PSD2: variants seen among roughly 807,000 people sequenced by gnomAD.
The protein encoded by PSD2 is PH and SEC7 domain-containing protein 2.
In PSD2, 38 loss-of-function variants were observed where a neutral mutation model predicts 69.8. The ratio of observed to expected loss-of-function variants is 0.54; its 90% CI spans 0.42 to 0.71. The LOEUF is 0.71. PSD2 is among the 30% of genes least tolerant of loss of function. The pLI is 0.00. For missense variants in PSD2, 943 were observed against 1,014.5 expected (o/e 0.93, Z 0.96); for synonymous variants, 412 against 423.0 (o/e 0.97, Z 0.32).
the PSD2 span, among the ~76,000 whole-genome samples, chr5:139,785,432 C>T: frequency 1.3e-5 from 2 of 152,242 alleles, no homozygotes; most frequent in East Asian, 3.9e-4. Flanking sequence ...CTATGTTGGC[C>T]AGGCTGGTCT....
At chr5:139,836,701 C>T (rs142278413) in intron 9 of PSD2, 110 bp from the exon 10 acceptor site, 247 of 913,144 alleles carry the variant, frequency 2.7e-4, no homozygotes, top group Admixed American at 4.8e-4. Flanking sequence ...CCTGGGGCTG[C>T]TCTTCCTCCA....
intron 1 of PSD2, among the ~76,000 whole-genome samples, chr5:139,800,499 T>A (rs1277617219): frequency 6.6e-6 from 1 of 152,198 alleles, no homozygotes; most frequent in Non-Finnish European, 1.5e-5. Context: ...TGACCTCAAG[T>A]GATCCGCCCT....
At chr5:139,824,150 C>T (rs1435639626) in intron 7 of PSD2, among the ~76,000 whole-genome samples, 3 of 152,200 alleles carry the variant, frequency 2.0e-5, no homozygotes, top group Non-Finnish European at 4.4e-5. Context: ...CAACAGGCCC[C>T]TCACTCCCTG....
At chr5:139,759,582 T>C in the PSD2 span, among the ~76,000 whole-genome samples, 1 of 152,150 alleles carries the variant, frequency 6.6e-6, no homozygotes, top group East Asian at 1.9e-4. Context: ...CCCACTGAGT[T>C]AATCTGCAGT....
intron 1 of PSD2, among the ~76,000 whole-genome samples, chr5:139,798,980 T>A (rs111292720): frequency 3.3e-3 from 500 of 152,332 alleles, no homozygotes; most frequent in African/African-American, 0.011. Context: ...AGATTTTTTT[T>A]AATGACATTG....
In PSD2 at chr5:139,804,046, C is replaced by T. The variant is rs113632765; in HGVS notation, c.-50-5345C>T. On this transcript the variant is annotated intron_variant, in intron 1 of 14. Transcript: ENST00000274710. ...GGCCTGGCCATCCTAGGCCCCATTGCGGTGTGGGCATCGCTGTTCAGGGTC... is the reference window on the plus strand; with the variant it reads ...GGCCTGGCCATCCTAGGCCCCATTGTGGTGTGGGCATCGCTGTTCAGGGTC... Among the ~76,000 whole-genome samples the T allele has an allele frequency of 2.5e-4, 38 of 152,314 alleles. 1 individual carries two copies. Among genetic ancestry groups the T allele is most frequent in the South Asian group, 4.1e-4 (2 of 4,824 alleles).
the PSD2 span, among the ~76,000 whole-genome samples, chr5:139,765,570 C>G: frequency 2.6e-5 from 4 of 152,238 alleles, no homozygotes; most frequent in Admixed American, 2.0e-4. Flanking sequence ...CATTCGCCCC[C>G]TTGCCCACCT....
chr5:139,748,755 G>C, the PSD2 span, among the ~76,000 whole-genome samples: 1 of 152,260 alleles, frequency 6.6e-6, no homozygotes, highest in Non-Finnish European at 1.5e-5. Flanking sequence ...CGTCTGTCTC[G>C]GCTCCGCGGC....
At chr5:139,748,910 G>T in the PSD2 span, among the ~76,000 whole-genome samples, 1 of 152,174 alleles carries the variant, frequency 6.6e-6, no homozygotes, top group Non-Finnish European at 1.5e-5. Flanking sequence ...GGTATGTTGG[G>T]GGGGGTGAAT....
chr5:139,822,644 TCTC>T, intron 6 of PSD2, 79 bp from the exon 7 acceptor site: 2 of 1,273,508 alleles, frequency 1.6e-6, no homozygotes, highest in Non-Finnish European at 2.2e-6. Context: ...GTGTCCAAGG[TCTC>T]CTGACGGGTT....
the PSD2 span, among the ~76,000 whole-genome samples, chr5:139,778,819 C>T: frequency 1.3e-5 from 2 of 151,776 alleles, no homozygotes; most frequent in Admixed American, 6.6e-5. Context: ...GTCGCAGCTA[C>T]TCAGGGGGCT....
rs369404064 is a variant in PSD2, at chr5:139,823,818, G to A, written c.1269+1034G>A. Among the ~76,000 whole-genome samples the A allele has an allele frequency of 6.6e-5, 10 of 152,352 alleles. No homozygotes were observed. The South Asian group carries it at 2.1e-3, about 32-fold the overall frequency. ...ACTGTGAAAATCGAACCAAGGGCAA[G>A]CTGGAAGACCCAGCCTGCAGGCCCC... is the stretch of plus-strand genomic sequence containing the variant. On this transcript the variant is annotated intron_variant, in intron 7 of 14. Coordinates refer to ENST00000274710, the MANE Select transcript of PSD2 (RefSeq NM_032289.4).
At position 139,838,169 on chromosome 5, in the gene PSD2, C is replaced by T. The variant is rs77679980; in HGVS notation, c.1823+387C>T. On this transcript the variant is annotated intron_variant, in intron 12 of 14. Transcript: ENST00000274710. Reference sequence around the variant, plus strand: ...CCTGTAAGGCTGTCCTACCACCTCTCGTCCTCCTGTGACTTGAGATTGGGG... The same window carrying T: ...CCTGTAAGGCTGTCCTACCACCTCTTGTCCTCCTGTGACTTGAGATTGGGG... 3.3e-3 allele frequency among the ~76,000 whole-genome samples: 501 copies of T among 152,318 alleles called. 8 individuals carry two copies. Among genetic ancestry groups the T allele is most frequent in the African/African-American group, 0.012 (487 of 41,574 alleles).
At position 139,813,747 on chromosome 5, in the gene PSD2, G is replaced by A. The variant is rs142124270; in HGVS notation, c.810G>A (p.Leu270=). The part of the protein sequence containing the change: ...DDDEEDTDKL[L]NSASDPSLKD... ...ATGAGGAGGACACGGACAAGTTGCT[G>A]AACTCAGCCAGGTGAGGCAGGGCCC... Residue 270 remains leucine, a synonymous_variant, in exon 3 of 15, where the codon CTG becomes CTA. Transcript: ENST00000274710. The A allele has an allele frequency of 7.2e-5, 115 of 1,602,898 alleles. No individual in the cohort carries two copies. Among genetic ancestry groups the A allele is most frequent in the Admixed American group, 1.7e-4 (10 of 59,472 alleles).
rs1047347842 is a variant in PSD2, at chr5:139,837,096, C to T, written c.1595-72C>T. ...TTGGGGACGAACATACAGGTGGACA[C>T]GTAGTGGGAGGTGGGGTTGGAGAGA... On this transcript the variant is annotated intron_variant, in intron 10 of 14. Transcript: ENST00000274710. This position sits in a 1 kb window ranked among gnomAD's most constrained non-coding sequence, Gnocchi z 5.0. The T allele has an allele frequency of 2.1e-5, 33 of 1,597,220 alleles. No individual in the cohort carries two copies. In the Admixed American group the frequency reaches 2.2e-4, roughly 11 times the overall value.
At chr5:139,751,510 A>G in the PSD2 span, among the ~76,000 whole-genome samples, 1 of 152,188 alleles carries the variant, frequency 6.6e-6, no homozygotes, top group East Asian at 1.9e-4. Flanking sequence ...CCCTGGGGAA[A>G]CAGTAATGAA....
At chr5:139,829,934 A>G (rs755311426) in intron 7 of PSD2, among the ~76,000 whole-genome samples, 75 of 151,004 alleles carry the variant, frequency 5.0e-4, no homozygotes, top group Non-Finnish European at 5.4e-4. Context: ...TGGCTGAACC[A>G]TTTTACATTT....
At chr5:139,800,514 G>A (rs904314663) in intron 1 of PSD2, among the ~76,000 whole-genome samples, 11 of 152,136 alleles carry the variant, frequency 7.2e-5, no homozygotes, top group East Asian at 1.9e-4. Context: ...CGCCCTCCTC[G>A]GCTGCCCTCC....
At chr5:139,807,821 C>A (rs1332026817) in intron 1 of PSD2, among the ~76,000 whole-genome samples, 3 of 152,178 alleles carry the variant, frequency 2.0e-5, no homozygotes, top group Non-Finnish European at 4.4e-5. Context: ...CTAAGTGAGA[C>A]TTTTCTTCTG....
Sources: gnomAD v4.1 joint callset for allele counts (sites outside exome capture counted in the v4.1 genomes callset) on GRCh38, gnomAD v4.1.1 for gene constraint, Gnocchi (gnomAD v3.1) non-coding constraint, MANE v1.5 for transcripts, NCBI Gene and HGNC (gene_info 2026-07-23, HGNC 2026-07-21) for gene names.